The following CD163L1 variants were observed in gnomAD, a reference collection of about 807,000 sequenced individuals.
CD163L1 encodes the protein scavenger receptor cysteine-rich type 1 protein M160.
Under a neutral mutation model 165.4 loss-of-function variants are expected in CD163L1, and 124 were observed. The observed-to-expected ratio is 0.75, with a 90% CI of 0.65 to 0.87. CD163L1 has a LOEUF of 0.87. CD163L1 is among the 40% of genes least tolerant of loss of function. CD163L1 has a pLI of 0.00. For missense variants in CD163L1, 1,525 were observed against 1,799.9 expected, an observed-to-expected ratio of 0.85 and a Z score of 2.76; for synonymous variants, 585 against 662.2, an observed-to-expected ratio of 0.88 and a Z score of 1.79.
rs780076942 is a variant in CD163L1, at chr12:7,398,444, A to G, written c.1549T>C (p.Leu517=). Residue 517 remains leucine (L), a synonymous_variant, in exon 7 of 20, where the codon TTG becomes CTG. Transcript: ENST00000313599. The surrounding 1 kb of genome is among the most constrained non-coding windows in gnomAD (Gnocchi z 4.5). ...ACATGCAAAGGCTTTCCACATCCCA[A>G]TTGTTTACAAACAACAGCTGCATTC... ...TRNAAVVCKQ[L]GCGKPLHVFG... 2.1e-5 allele frequency: 34 copies of G among 1,613,952 alleles called. No homozygotes were observed. The South Asian group carries it at 3.4e-4, about 16-fold the overall frequency.
chr12:7,421,287 ATG>A (rs763990408), intron 4 of CD163L1, among the ~76,000 whole-genome samples: 2 of 114,212 alleles, frequency 1.8e-5, no homozygotes, highest in Non-Finnish European at 3.3e-5. Flanking sequence ...GTATATATAT[ATG>A]TGTGTATATA....
chr12:7,330,159 G>A, the CD163L1 span, among the ~76,000 whole-genome samples: 16 of 152,114 alleles, frequency 1.1e-4, no homozygotes, highest in African/African-American at 3.9e-4. Context: ...CTAAAGCTAT[G>A]GAAGGAAGGT....
At chr12:7,392,347 G>A (rs1410927179) in intron 8 of CD163L1, among the ~76,000 whole-genome samples, 1 of 151,986 alleles carries the variant, frequency 6.6e-6, no homozygotes, top group African/African-American at 2.4e-5. Context: ...CGAAATGAAG[G>A]CAGAAATAAA....
At chr12:7,362,673 G>T (rs1027359805) in intron 18 of CD163L1, among the ~76,000 whole-genome samples, 7 of 144,490 alleles carry the variant, frequency 4.8e-5, no homozygotes, top group African/African-American at 1.8e-4. Context: ...TATAATATAT[G>T]ATTTATATTA....
At chr12:7,367,184 T>A (rs968833284) in intron 18 of CD163L1, 52 bp downstream of exon 18, 8 of 1,097,222 alleles carry the variant, frequency 7.3e-6, no homozygotes, top group South Asian at 1.5e-5. Flanking sequence ...CAGCGGTATT[T>A]CCTCATATTC....
downstream of CD163L1, among the ~76,000 whole-genome samples, chr12:7,353,150 T>C (rs1189311029): frequency 6.6e-6 from 1 of 151,996 alleles, no homozygotes; most frequent in Non-Finnish European, 1.5e-5. Context: ...ATAGGAATTC[T>C]TGAGTCGTAA....
Position 7,439,768 on chromosome 12 carries a change from A to T in CD163L1, c.124+1386T>A, listed in dbSNP as rs1948788905. The T allele has an allele frequency of 7.4e-6, 12 of 1,613,354 alleles. No individual in the cohort carries two copies. The Admixed American group carries it at 1.7e-4, about 22-fold the overall frequency. ...GCCTTTCCAGCGAACTTTGTAAAGAATTTCACCCCCCTCGATCTTTATGTC... is the reference window on the plus strand; with the variant it reads ...GCCTTTCCAGCGAACTTTGTAAAGATTTTCACCCCCCTCGATCTTTATGTC... On this transcript the variant is annotated intron_variant, in intron 2 of 19. Coordinates refer to ENST00000313599, the MANE Select transcript of CD163L1 (RefSeq NM_174941.6).
chr12:7,321,805 C>G, the CD163L1 span, among the ~76,000 whole-genome samples: 1 of 152,178 alleles, frequency 6.6e-6, no homozygotes, highest in Non-Finnish European at 1.5e-5. Flanking sequence ...CTCAAGATAA[C>G]CTTGCTAAGC....
chr12:7,435,456 T>A (rs1056033750), intron 2 of CD163L1, among the ~76,000 whole-genome samples: 2 of 151,794 alleles, frequency 1.3e-5, no homozygotes, highest in Non-Finnish European at 2.9e-5. Context: ...GGCATGACCA[T>A]TAAATACATG....
intron 8 of CD163L1, among the ~76,000 whole-genome samples, chr12:7,395,397 G>A (rs918637775): frequency 2.6e-5 from 4 of 152,144 alleles, no homozygotes; most frequent in Non-Finnish European, 5.9e-5. Context: ...TGAACAATGA[G>A]AACACTTGGA....
At chr12:7,421,112 G>T (rs1317069708) in intron 4 of CD163L1, among the ~76,000 whole-genome samples, 2 of 77,506 alleles carry the variant, frequency 2.6e-5, no homozygotes, top group African/African-American at 1.4e-4. Flanking sequence ...TATACATTTG[G>T]AAGAAAATGT....
chr12:7,353,090 C>G (rs776551282), downstream of CD163L1, among the ~76,000 whole-genome samples: 1 of 151,766 alleles, frequency 6.6e-6, no homozygotes, highest in African/African-American at 2.4e-5. Context: ...AAAAATCTAA[C>G]GACAATGGCT....
At chr12:7,358,077 T>C (rs1946815739) in intron 18 of CD163L1, among the ~76,000 whole-genome samples, 1 of 152,088 alleles carries the variant, frequency 6.6e-6, no homozygotes. Context: ...CAACTCTTCT[T>C]AGGTCCATCA....
the CD163L1 span, among the ~76,000 whole-genome samples, chr12:7,337,868 G>A: frequency 1.0e-3 from 152 of 152,236 alleles, no homozygotes; most frequent in African/African-American, 3.5e-3. Context: ...ACATACACAC[G>A]TATGTTTATT....
At chr12:7,361,606 C>A (rs1946893259) in intron 18 of CD163L1, among the ~76,000 whole-genome samples, 1 of 152,000 alleles carries the variant, frequency 6.6e-6, no homozygotes, top group African/African-American at 2.4e-5. Context: ...AGGAAGATTC[C>A]CCGTATTCCC....
chr12:7,376,250 G>C (rs1179516399), intron 9 of CD163L1, among the ~76,000 whole-genome samples: 3 of 151,982 alleles, frequency 2.0e-5, no homozygotes, highest in Admixed American at 1.3e-4. Context: ...TCATCAGAAG[G>C]AAATGAATTG....
chr12:7,422,772 T>C (rs1948463945), intron 4 of CD163L1, among the ~76,000 whole-genome samples: 1 of 146,680 alleles, frequency 6.8e-6, no homozygotes, highest in Admixed American at 6.8e-5. Flanking sequence ...TGTGTGTGTG[T>C]GTATATATAT....
the CD163L1 span, among the ~76,000 whole-genome samples, chr12:7,334,700 C>T: frequency 6.7e-3 from 1,014 of 152,212 alleles, 13 homozygotes; most frequent in African/African-American, 0.023. Flanking sequence ...GAAGTCAAAT[C>T]GTCCCTGTTT....
downstream of CD163L1, among the ~76,000 whole-genome samples, chr12:7,345,296 C>T (rs979413385): frequency 2.0e-5 from 3 of 152,192 alleles, no homozygotes; most frequent in Non-Finnish European, 4.4e-5. Context: ...GAATGCTTCA[C>T]TGCTTAGAAA....
Sources: gnomAD v4.1 joint callset for allele counts (sites outside exome capture counted in the v4.1 genomes callset) on GRCh38, gnomAD v4.1.1 for gene constraint, Gnocchi (gnomAD v3.1) non-coding constraint, MANE v1.5 for transcripts, NCBI Gene and HGNC (gene_info 2026-07-23, HGNC 2026-07-21) for gene names.